Variants in SLC7A14 observed in about 807,000 individuals in gnomAD.
The protein encoded by SLC7A14 is solute carrier family 7 member 14.
A neutral mutation model predicts 60.2 loss-of-function variants in SLC7A14; 37 were observed. The ratio of observed to expected loss-of-function variants is 0.61; its 90% CI spans 0.47 to 0.81. The LOEUF (loss-of-function observed/expected upper bound fraction) is 0.81, where lower values mean the gene tolerates loss of function less well. Ranked by LOEUF, SLC7A14 falls within the 30% of genes least tolerant of loss-of-function variation. SLC7A14 has a pLI of 0.00. For synonymous variants in SLC7A14, 399 were observed against 395.8 expected, an observed-to-expected ratio of 1.01 and a Z score of -0.10; for missense variants, 886 against 982.7, an observed-to-expected ratio of 0.90 and a Z score of 1.32.
At chr3:170,567,780 T>C (rs1714835556) in intron 1 of SLC7A14, among the ~76,000 whole-genome samples, 1 of 151,920 alleles carries the variant, frequency 6.6e-6, no homozygotes, top group Non-Finnish European at 1.5e-5. Flanking sequence ...CGTTTTTTCA[T>C]GTGTTTTTTG....
intron 1 of SLC7A14, among the ~76,000 whole-genome samples, chr3:170,530,258 A>G (rs373726985): frequency 5.3e-5 from 8 of 152,202 alleles, no homozygotes; most frequent in African/African-American, 1.7e-4. Context: ...GTTGTACCAG[A>G]TGTCAGGGAA....
At chr3:170,485,167 T>G (rs1711981886) in intron 5 of SLC7A14, among the ~76,000 whole-genome samples, 1 of 152,090 alleles carries the variant, frequency 6.6e-6, no homozygotes, top group African/African-American at 2.4e-5. Context: ...CCCTTGCATG[T>G]GTGTGCTAGT....
chr3:170,572,520 A>G (rs1040368627), intron 1 of SLC7A14, among the ~76,000 whole-genome samples: 2 of 152,336 alleles, frequency 1.3e-5, no homozygotes, highest in African/African-American at 4.8e-5. Context: ...TATTGGAATC[A>G]TATGTGTAAA....
intron 2 of SLC7A14, among the ~76,000 whole-genome samples, chr3:170,514,307 G>C (rs943918212): frequency 3.3e-5 from 5 of 152,176 alleles, no homozygotes; most frequent in Non-Finnish European, 7.4e-5. Context: ...CTGGTGCTTG[G>C]CATAACTCCT....
chr3:170,565,576 G>A (rs1319288479), intron 1 of SLC7A14, among the ~76,000 whole-genome samples: 1 of 152,176 alleles, frequency 6.6e-6, no homozygotes, highest in South Asian at 2.1e-4. Context: ...CAGCGAGGAG[G>A]AGAGTTGTCT....
chr3:170,485,148 C>T (rs981458015), intron 5 of SLC7A14, among the ~76,000 whole-genome samples: 4 of 152,072 alleles, frequency 2.6e-5, no homozygotes, highest in Admixed American at 6.6e-5. Flanking sequence ...TGTATGGACA[C>T]GATGAAACCC....
Position 170,505,363 on chromosome 3 carries a change from T to C in SLC7A14, c.305-4018A>G, listed in dbSNP as rs1462887151. On this transcript the variant is annotated intron_variant, in intron 2 of 7. Coordinates refer to ENST00000231706, the MANE Select transcript of SLC7A14 (RefSeq NM_020949.3). ...CTGACGACTTCGTTGCGTCTCCTAA[T>C]GTACGCATGCCCCATCATTCACATG... is the stretch of plus-strand genomic sequence containing the variant. 3.3e-5 allele frequency among the ~76,000 whole-genome samples: 5 copies of C among 152,236 alleles called. No homozygotes were observed. In the East Asian group the frequency reaches 9.6e-4, roughly 29 times the overall value.
chr3:170,483,747 ACT>A (rs1165267672), intron 5 of SLC7A14, among the ~76,000 whole-genome samples: 2 of 152,082 alleles, frequency 1.3e-5, no homozygotes, highest in African/African-American at 2.4e-5. Context: ...TGGGCCAGAA[ACT>A]CTCTATCTCT....
intron 1 of SLC7A14, among the ~76,000 whole-genome samples, chr3:170,529,286 T>G (rs1343267780): frequency 6.6e-6 from 1 of 152,232 alleles, no homozygotes; most frequent in East Asian, 1.9e-4. Context: ...TTTATAAATG[T>G]TATATCATTT....
intron 1 of SLC7A14, among the ~76,000 whole-genome samples, chr3:170,568,109 C>G (rs1421789275): frequency 6.6e-6 from 1 of 152,098 alleles, no homozygotes; most frequent in African/African-American, 2.4e-5. Flanking sequence ...ATGGTAATGC[C>G]TAGGTTTTCT....
Position 170,490,359 on chromosome 3 carries a change from C to T in SLC7A14, c.760-3991G>A, listed in dbSNP as rs1317196414. ...ACACACATGCAAATACATATAAACA[C>T]AGATAAACACACATACATACACATG... On this transcript the variant is annotated intron_variant, in intron 4 of 7. Transcript: ENST00000231706. 2.0e-5 allele frequency among the ~76,000 whole-genome samples: 3 copies of T among 150,940 alleles called. No individual in the cohort carries two copies. In the Admixed American group the frequency reaches 2.0e-4, roughly 10 times the overall value.
At chr3:170,492,250 A>G (rs1246491556) in intron 4 of SLC7A14, among the ~76,000 whole-genome samples, 6 of 152,142 alleles carry the variant, frequency 3.9e-5, no homozygotes, top group Non-Finnish European at 5.9e-5. Context: ...AAATATGTGT[A>G]TGTGTGTTCG....
chr3:170,557,377 A>G (rs1241110819), intron 1 of SLC7A14, among the ~76,000 whole-genome samples: 1 of 152,122 alleles, frequency 6.6e-6, no homozygotes, highest in Non-Finnish European at 1.5e-5. Flanking sequence ...GAGTTGTCCA[A>G]TTTTGTTACC....
chr3:170,486,802 G>A (rs968419921), intron 4 of SLC7A14, among the ~76,000 whole-genome samples: 2 of 150,546 alleles, frequency 1.3e-5, no homozygotes, highest in Non-Finnish European at 2.9e-5. Context: ...AACCCAGGAG[G>A]CAGAGGTTGC....
chr3:170,512,940 G>A (rs1713033501), intron 2 of SLC7A14, among the ~76,000 whole-genome samples: 1 of 152,114 alleles, frequency 6.6e-6, no homozygotes. Flanking sequence ...TGGTCTATGA[G>A]GATGGAAGGC....
intron 1 of SLC7A14, among the ~76,000 whole-genome samples, chr3:170,582,266 T>G (rs1577579545): frequency 6.6e-6 from 1 of 152,250 alleles, no homozygotes; most frequent in African/African-American, 2.4e-5. Context: ...TTGGTTGCTG[T>G]GAGGGTGTGT....
chr3:170,569,526 A>G (rs1212247073), intron 1 of SLC7A14, among the ~76,000 whole-genome samples: 2 of 152,210 alleles, frequency 1.3e-5, no homozygotes, highest in Non-Finnish European at 2.9e-5. Context: ...CTGGCCTCAT[A>G]AAATGAGTTA....
At chr3:170,548,745 G>A (rs1714248886) in intron 1 of SLC7A14, among the ~76,000 whole-genome samples, 1 of 152,206 alleles carries the variant, frequency 6.6e-6, no homozygotes, top group South Asian at 2.1e-4. Flanking sequence ...TGGTTAGGCT[G>A]CTCTGACTAA....
At position 170,463,647 on chromosome 3, in the gene SLC7A14, A is replaced by C. The variant is rs1218658450; in HGVS notation, c.*3408T>G. On this transcript the variant is annotated 3_prime_UTR_variant, in exon 8 of 8. Transcript: ENST00000231706. Reference sequence around the variant, plus strand: ...ATCCTCCTCCCTCAGTCTCTCAACTATCTGGGATCATAGGCACATGCCACC... The same window carrying C: ...ATCCTCCTCCCTCAGTCTCTCAACTCTCTGGGATCATAGGCACATGCCACC... 6.6e-6 allele frequency: 1 copy of C among 152,190 alleles called. No individual in the cohort carries two copies. Among genetic ancestry groups the C allele is most frequent in the East Asian group, 1.9e-4 (1 of 5,198 alleles). 9.4% of individuals were successfully genotyped at this position (152,190 alleles called of 1,614,324 possible).
Sources: allele counts gnomAD v4.1 joint callset (sites outside exome capture counted in the v4.1 genomes callset), GRCh38; gene constraint gnomAD v4.1.1; transcripts MANE v1.5; gene names NCBI Gene and HGNC (gene_info 2026-07-23, HGNC 2026-07-21).